The following VPS54 variants were observed in gnomAD, a reference collection of about 807,000 sequenced individuals.
VPS54 encodes the protein vacuolar protein sorting-associated protein 54.
In VPS54, 45 loss-of-function variants were observed where a neutral mutation model predicts 121.5. The observed-to-expected ratio is 0.37, with a 90% CI of 0.29 to 0.47. VPS54 has a LOEUF of 0.47. Among genes scored for constraint, VPS54 ranks in the 20% least tolerant of loss-of-function variants. The pLI is 0.99. For missense variants in VPS54, 1,090 were observed against 1,131.4 expected (o/e 0.96, Z 0.52); for synonymous variants, 371 against 385.8 (o/e 0.96, Z 0.45).
chr2:63,999,509 T>C (rs1394565139), intron 1 of VPS54, among the ~76,000 whole-genome samples: 1 of 142,610 alleles, frequency 7.0e-6, no homozygotes, highest in Non-Finnish European at 1.5e-5. Context: ...TTGCTCCTTT[T>C]AGTATCCTTG....
chr2:63,899,707 C>A (rs1290851868), intron 20 of VPS54, 126 bp from the exon 21 acceptor site: 3 of 713,582 alleles, frequency 4.2e-6, no homozygotes, highest in Non-Finnish European at 6.9e-6. Context: ...CTTAAGCTTA[C>A]ACTTTTCAAC....
At chr2:63,996,196 T>A (rs1177876848) in intron 1 of VPS54, among the ~76,000 whole-genome samples, 1 of 152,194 alleles carries the variant, frequency 6.6e-6, no homozygotes, top group Non-Finnish European at 1.5e-5. Flanking sequence ...AGAACATAAA[T>A]TGTGAAGATT....
chr2:63,934,543 T>G (rs1218716850), intron 11 of VPS54, among the ~76,000 whole-genome samples: 1 of 152,184 alleles, frequency 6.6e-6, no homozygotes, highest in African/African-American at 2.4e-5. Context: ...CGGAATGCTT[T>G]TCACCTTGAT....
Position 63,921,188 on chromosome 2 carries a change from C to A in VPS54, c.1869+18G>T. ...ATTATTACGTATAAAATATATAAAG[C>A]TTTATGAAAATAGCTACCTTTGCTC... is the stretch of plus-strand genomic sequence containing the variant. On this transcript the variant is annotated intron_variant, in intron 13 of 22. Transcript: ENST00000272322. The A allele has an allele frequency of 6.3e-7, 1 of 1,599,868 alleles. No individual in the cohort carries two copies. The highest frequency in any genetic ancestry group is 1.1e-5 in the South Asian group (1 of 88,318).
intron 3 of VPS54, among the ~76,000 whole-genome samples, chr2:63,980,080 T>G (rs944864715): frequency 6.6e-6 from 1 of 152,200 alleles, no homozygotes; most frequent in African/African-American, 2.4e-5. Flanking sequence ...TAATTATGAA[T>G]AGCTACTTTG....
At chr2:63,944,754 A>G in intron 9 of VPS54, 99 bp from the exon 10 acceptor site, 1 of 940,216 alleles carries the variant, frequency 1.1e-6, no homozygotes, top group Non-Finnish European at 1.6e-6. Context: ...CCCTTACTAT[A>G]TGAACAGACA....
chr2:64,014,619 C>T (rs973749169), intron 1 of VPS54, among the ~76,000 whole-genome samples: 1 of 152,180 alleles, frequency 6.6e-6, no homozygotes, highest in African/African-American at 2.4e-5. Context: ...CACTATTCTC[C>T]GCCTTACTAT....
In VPS54 at chr2:63,924,668, A is replaced by G. The variant is rs1463825885; in HGVS notation, c.1740-3333T>C. ...CATCTCTACAAACTAATTGTTTAAG[A>G]AAACAAAAGCTATCGTAACTACAGT... On this transcript the variant is annotated intron_variant, in intron 12 of 22. Transcript: ENST00000272322. Among the ~76,000 whole-genome samples, 5 of 152,208 alleles carry G rather than the reference A, an allele frequency of 3.3e-5. 1 individual carries two copies. Among genetic ancestry groups the G allele is most frequent in the Non-Finnish European group, 7.3e-5 (5 of 68,036 alleles).
At chr2:63,989,027 C>T (rs763148889) in intron 1 of VPS54, among the ~76,000 whole-genome samples, 7 of 152,124 alleles carry the variant, frequency 4.6e-5, no homozygotes, top group South Asian at 2.1e-4. Context: ...CTAAAATGGC[C>T]GCTCTGGGAG....
At chr2:63,929,288 A>G (rs1423157972) in intron 12 of VPS54, among the ~76,000 whole-genome samples, 2 of 152,210 alleles carry the variant, frequency 1.3e-5, no homozygotes, top group South Asian at 2.1e-4. Context: ...CAGCAAATGT[A>G]AAAGAACAGA....
chr2:63,947,512 A>G, intron 8 of VPS54, 22 bp from the exon 9 acceptor site: 1 of 1,442,820 alleles, frequency 6.9e-7, no homozygotes, highest in Non-Finnish European at 9.4e-7. Flanking sequence ...AAAGTATGTA[A>G]CTTGACATTT....
At chr2:63,927,187 C>T (rs1428859444) in intron 12 of VPS54, among the ~76,000 whole-genome samples, 3 of 152,180 alleles carry the variant, frequency 2.0e-5, no homozygotes, top group Admixed American at 6.5e-5. Context: ...GCTCTGATAA[C>T]GGACAGACTG....
chr2:64,005,128 G>C lies in VPS54; in HGVS notation c.-21+13810C>G, dbSNP rs557972383. Among the ~76,000 whole-genome samples, 49 of 73,688 alleles carry C rather than the reference G, an allele frequency of 6.6e-4. No individual in the cohort carries two copies. The Middle Eastern group carries it at 0.035, about 52-fold the overall frequency. The allele number at this position is 73,688 out of a possible 152,430, so 48.3% of individuals were successfully genotyped here. The stretch of plus-strand genomic sequence containing the variant: ...TTTTTTTTTTTTTTTTTTTGAGACG[G>C]AGTCCCGCTCTTTAGCCCAGGCCAG... On this transcript the variant is annotated intron_variant, in intron 1 of 22. Transcript: ENST00000272322.
rs1321643684 is a variant in VPS54, at chr2:63,933,995, G to A, written c.1417C>T (p.His473Tyr). The A allele has an allele frequency of 1.1e-5, 17 of 1,612,254 alleles. No homozygotes were observed. The highest frequency in any genetic ancestry group is 1.7e-5 in the Admixed American group (1 of 59,794). ...TCAAGAACTGAGAGAACAACACTGT[G>A]AATGATATTTAATGTTGCCTACAAG... ...QRVKATLNII[H>Y]SVVLSVLDKN... The change falls in exon 12 of 23, where the codon CAC becomes TAC. Residue 473 changes from histidine (H) to tyrosine (Y), a missense_variant. Transcript: ENST00000272322.
chr2:63,993,925 C>G (rs903293238), intron 1 of VPS54, among the ~76,000 whole-genome samples: 4 of 152,206 alleles, frequency 2.6e-5, no homozygotes, highest in Non-Finnish European at 4.4e-5. Context: ...GCTGTAATTA[C>G]TGCCTTATAG....
chr2:63,951,099 C>T lies in VPS54; in HGVS notation c.1011-1936G>A, dbSNP rs576637175. ...GTATGCCTTTCTCATAGTAAGCCTG[C>T]ACCTGCATAAAATCTGCATTTTCAA... On this transcript the variant is annotated intron_variant, in intron 7 of 22. Coordinates refer to ENST00000272322, the MANE Select transcript of VPS54 (RefSeq NM_016516.3). 5.3e-5 allele frequency among the ~76,000 whole-genome samples: 8 copies of T among 152,134 alleles called. No individual in the cohort carries two copies. In the South Asian group the frequency reaches 1.5e-3, roughly 28 times the overall value.
intron 4 of VPS54, among the ~76,000 whole-genome samples, chr2:63,969,794 G>A (rs1206891204): frequency 1.3e-5 from 2 of 151,848 alleles, no homozygotes; most frequent in Non-Finnish European, 2.9e-5. Context: ...TTCAAGTTTT[G>A]GTAAGACTGA....
At chr2:63,942,659 G>A in intron 10 of VPS54, 98 bp from the exon 11 acceptor site, 2 of 980,920 alleles carry the variant, frequency 2.0e-6, no homozygotes, top group Non-Finnish European at 2.9e-6. Flanking sequence ...ACTATCTAGT[G>A]ATAAAATGCA....
chr2:63,978,390 T>G (rs1051598922), intron 3 of VPS54, among the ~76,000 whole-genome samples: 1 of 152,148 alleles, frequency 6.6e-6, no homozygotes, highest in Non-Finnish European at 1.5e-5. Flanking sequence ...ACTCTCAGAT[T>G]TCAGTGCCTC....
Sources: gnomAD v4.1 joint callset for allele counts (sites outside exome capture counted in the v4.1 genomes callset) on GRCh38, gnomAD v4.1.1 for gene constraint, MANE v1.5 for transcripts, NCBI Gene and HGNC (gene_info 2026-07-23, HGNC 2026-07-21) for gene names.